The following GPATCH2 variants were observed in gnomAD, a reference collection of about 807,000 sequenced individuals.
The protein encoded by GPATCH2 is G patch domain-containing protein 2.
In GPATCH2, 51 loss-of-function variants were observed where a neutral mutation model predicts 58.0. The observed-to-expected ratio is 0.88, with a 90% CI of 0.70 to 1.11. GPATCH2 has a LOEUF of 1.11. Among genes scored for constraint, GPATCH2 ranks in the 50% most tolerant of loss-of-function variants. The pLI, the probability that GPATCH2 is intolerant of heterozygous loss-of-function variation, is 0.00. For missense variants in GPATCH2, 625 were observed against 652.2 expected (o/e 0.96, Z 0.45); for synonymous variants, 222 against 218.5 (o/e 1.02, Z -0.14).
At chr1:217,469,084 T>C (rs1381853151) in intron 8 of GPATCH2, among the ~76,000 whole-genome samples, 2 of 152,134 alleles carry the variant, frequency 1.3e-5, no homozygotes, top group African/African-American at 4.8e-5. Flanking sequence ...AAGTTATCCA[T>C]GAGGTCTAAA....
intron 6 of GPATCH2, among the ~76,000 whole-genome samples, chr1:217,509,917 T>G (rs1398707006): frequency 6.6e-6 from 1 of 152,234 alleles, no homozygotes; most frequent in South Asian, 2.1e-4. Flanking sequence ...ATAAGAGAGA[T>G]AGAGAATGCT....
At chr1:217,507,775 A>G (rs1217849639) in intron 6 of GPATCH2, among the ~76,000 whole-genome samples, 1 of 152,170 alleles carries the variant, frequency 6.6e-6, no homozygotes, top group East Asian at 1.9e-4. Context: ...CAGGTTTAGC[A>G]TGTTAACCAA....
chr1:217,558,933 C>T (rs1469410734), intron 5 of GPATCH2, among the ~76,000 whole-genome samples: 1 of 152,128 alleles, frequency 6.6e-6, no homozygotes, highest in Non-Finnish European at 1.5e-5. Context: ...TCAAGTGGGT[C>T]TACCATACTC....
At chr1:217,611,162 A>G in intron 3 of GPATCH2, 91 bp from the exon 4 acceptor site, 1 of 1,142,494 alleles carries the variant, frequency 8.8e-7, no homozygotes. Context: ...AAAATACAAG[A>G]TGGCAGTTAA....
intron 5 of GPATCH2, among the ~76,000 whole-genome samples, chr1:217,588,258 T>C (rs763367056): frequency 2.0e-5 from 3 of 152,156 alleles, no homozygotes; most frequent in Non-Finnish European, 4.4e-5. Context: ...CTCAGAAGCA[T>C]AGGAAAGACT....
At chr1:217,611,981 A>G (rs921387893) in intron 3 of GPATCH2, among the ~76,000 whole-genome samples, 2 of 152,044 alleles carry the variant, frequency 1.3e-5, no homozygotes, top group African/African-American at 4.8e-5. Context: ...GGAGTTCCAG[A>G]CCAACCTGGG....
chr1:217,566,137 A>G (rs1316775539), intron 5 of GPATCH2, among the ~76,000 whole-genome samples: 1 of 151,132 alleles, frequency 6.6e-6, no homozygotes, highest in Non-Finnish European at 1.5e-5. Flanking sequence ...AAGATCCCCA[A>G]TAAAATAAGA....
chr1:217,504,398 C>T (rs1428895263), intron 6 of GPATCH2, among the ~76,000 whole-genome samples: 3 of 152,040 alleles, frequency 2.0e-5, no homozygotes, highest in Non-Finnish European at 4.4e-5. Flanking sequence ...CTATTATATT[C>T]GTATATTGCA....
At chr1:217,498,124 G>C in intron 7 of GPATCH2, 1 of 604,456 alleles carries the variant, frequency 1.7e-6, no homozygotes, top group Non-Finnish European at 3.0e-6. Context: ...TTTCCATGGA[G>C]GTCACAAGTA....
At chr1:217,545,251 A>C (rs1664977903) in intron 5 of GPATCH2, among the ~76,000 whole-genome samples, 1 of 152,198 alleles carries the variant, frequency 6.6e-6, no homozygotes, top group African/African-American at 2.4e-5. Flanking sequence ...TGACCCTTCA[A>C]TTCGGAAATG....
chr1:217,454,318 G>C (rs996318371), intron 8 of GPATCH2, among the ~76,000 whole-genome samples: 1 of 151,984 alleles, frequency 6.6e-6, no homozygotes, highest in Non-Finnish European at 1.5e-5. Context: ...GGCCTGGTGC[G>C]GTGGCTCACG....
At position 217,620,515 on chromosome 1, in the gene GPATCH2, A is replaced by G. The variant is rs1162147499; in HGVS notation, c.57-16T>C. ...ACTGAAATGCCTTCATTTTTTAGAG[A>G]AAGAAAAAAGAAAATAGTCAGTCTT... On this transcript the variant is annotated splice_polypyrimidine_tract_variant and intron_variant, in intron 1 of 9. Coordinates refer to ENST00000366935, the MANE Select transcript of GPATCH2 (RefSeq NM_018040.5). The G allele has an allele frequency of 6.9e-7, 1 of 1,452,806 alleles. No individual in the cohort carries two copies. The highest frequency in any genetic ancestry group is 1.9e-5 in the Admixed American group (1 of 51,814). 90.0% of individuals were successfully genotyped at this position (1,452,806 alleles called of 1,614,324 possible).
chr1:217,556,328 G>A (rs1665615120), intron 5 of GPATCH2, among the ~76,000 whole-genome samples: 1 of 152,000 alleles, frequency 6.6e-6, no homozygotes, highest in African/African-American at 2.4e-5. Flanking sequence ...CCTTCTCTTC[G>A]GGGGGCAACC....
intron 5 of GPATCH2, chr1:217,609,662 T>C (rs1668532755): frequency 6.2e-6 from 6 of 975,562 alleles, no homozygotes; most frequent in Non-Finnish European, 7.3e-6. Context: ...CTGAGTAAAA[T>C]GCAAATATTT....
Position 217,619,789 on chromosome 1 carries a change from C to T in GPATCH2, c.767G>A (p.Ser256Asn), listed in dbSNP as rs780885301. 6 of 1,499,874 alleles carry T rather than the reference C, an allele frequency of 4.0e-6. No homozygotes were observed. The African/African-American group carries it at 7.0e-5, about 17-fold the overall frequency. 92.9% of individuals were successfully genotyped at this position (1,499,874 alleles called of 1,614,324 possible). Residue 256 changes from serine to asparagine, a missense_variant, in exon 2 of 10, where the codon AGT becomes AAT. Transcript: ENST00000366935. The part of the protein sequence containing the change: ...EEQKVSDELM[S>N]ESDSSSLSST... The stretch of plus-strand genomic sequence containing the variant: ...TAGAGAATATAAAAGTCACCTTTCA[C>T]TCATGAGCTCATCTGAGACTTTTTG...
chr1:217,447,803 G>C lies in GPATCH2; in HGVS notation c.1366+1446C>G, dbSNP rs548668496. Among the ~76,000 whole-genome samples, 10 of 152,256 alleles carry C rather than the reference G, an allele frequency of 6.6e-5. No individual in the cohort carries two copies. In the South Asian group the frequency reaches 2.1e-3, roughly 32 times the overall value. On this transcript the variant is annotated intron_variant, in intron 9 of 9. Coordinates refer to ENST00000366935, the MANE Select transcript of GPATCH2 (RefSeq NM_018040.5). ...TTACTATGGAATAGGTTCCCTAATA[G>C]AGAACGTGGCTGGGTGCGGTGGCTC...
intron 5 of GPATCH2, among the ~76,000 whole-genome samples, chr1:217,578,038 C>T (rs1666890450): frequency 1.4e-5 from 2 of 144,500 alleles, no homozygotes; most frequent in South Asian, 4.4e-4. Flanking sequence ...TGAGCCACTG[C>T]ATCTGGCCTG....
intron 8 of GPATCH2, among the ~76,000 whole-genome samples, chr1:217,487,425 CTT>C (rs556623228): frequency 0.13 from 17,196 of 137,022 alleles, 1,754 homozygotes; most frequent in African/African-American, 0.31. Flanking sequence ...AAGAGTACTT[CTT>C]TTTTTTTTTT....
At chr1:217,471,843 CA>C (rs1189594242) in intron 8 of GPATCH2, among the ~76,000 whole-genome samples, 1 of 151,982 alleles carries the variant, frequency 6.6e-6, no homozygotes, top group Non-Finnish European at 1.5e-5. Flanking sequence ...ATTATCAAAT[CA>C]TTTGACATTA....
Sources: allele counts gnomAD v4.1 joint callset (sites outside exome capture counted in the v4.1 genomes callset), GRCh38; gene constraint gnomAD v4.1.1; transcripts MANE v1.5; gene names NCBI Gene and HGNC (gene_info 2026-07-23, HGNC 2026-07-21).